Variants in CNTNAP2 observed in about 807,000 individuals in gnomAD.
The protein encoded by CNTNAP2 is contactin-associated protein-like 2.
In CNTNAP2, 98 loss-of-function variants were observed where a neutral mutation model predicts 155.2. That is an observed-to-expected ratio of 0.63 (90% CI 0.54 to 0.75). The LOEUF is 0.75. Ranked by LOEUF, CNTNAP2 falls within the 30% of genes least tolerant of loss-of-function variation. The pLI, the probability that CNTNAP2 is intolerant of heterozygous loss-of-function variation, is 0.00. For missense variants in CNTNAP2, 1,727 were observed against 1,688.1 expected (o/e 1.02, Z -0.40); for synonymous variants, 651 against 631.2 (o/e 1.03, Z -0.47).
intron 15 of CNTNAP2, among the ~76,000 whole-genome samples, chr7:148,116,277 T>C (rs1804469423): frequency 6.6e-6 from 1 of 152,162 alleles, no homozygotes; most frequent in South Asian, 2.1e-4. Context: ...CAGTAATTAA[T>C]AGGAATGCCA....
At chr7:147,487,563 TGC>T (rs1229537178) in intron 11 of CNTNAP2, among the ~76,000 whole-genome samples, 1 of 152,222 alleles carries the variant, frequency 6.6e-6, no homozygotes, top group Non-Finnish European at 1.5e-5. Flanking sequence ...AATACGATAA[TGC>T]TAACCAATGG....
At chr7:146,713,742 C>G (rs1243965716) in intron 1 of CNTNAP2, among the ~76,000 whole-genome samples, 1 of 152,122 alleles carries the variant, frequency 6.6e-6, no homozygotes, top group Non-Finnish European at 1.5e-5. Context: ...AACGTTTACT[C>G]AAGAAAGCTT....
intron 13 of CNTNAP2, among the ~76,000 whole-genome samples, chr7:147,893,240 A>C (rs2116733854): frequency 6.6e-6 from 1 of 152,304 alleles, no homozygotes; most frequent in African/African-American, 2.4e-5. Context: ...TTTTATTTTT[A>C]AAGTTCTTAA....
At chr7:147,972,040 A>G (rs1344397564) in intron 14 of CNTNAP2, among the ~76,000 whole-genome samples, 1 of 152,172 alleles carries the variant, frequency 6.6e-6, no homozygotes, top group Non-Finnish European at 1.5e-5. Flanking sequence ...TTTTGATTAT[A>G]GCTATCTTGG....
rs184621948 is a variant in CNTNAP2, at chr7:148,411,869, G to T, written c.3796+2398G>T. Among the ~76,000 whole-genome samples the T allele has an allele frequency of 4.4e-3, 646 of 147,240 alleles. 7 individuals carry two copies. The highest frequency in any genetic ancestry group is 0.015 in the African/African-American group (599 of 40,326). ...CTGACATATGTGTGTGTGTGTGTGTGTGTCTATTTTCTGGGCTTTTTGTTT... is the reference window on the plus strand; with the variant it reads ...CTGACATATGTGTGTGTGTGTGTGTTTGTCTATTTTCTGGGCTTTTTGTTT... On this transcript the variant is annotated intron_variant, in intron 23 of 23. Coordinates refer to ENST00000361727, the MANE Select transcript of CNTNAP2 (RefSeq NM_014141.6).
chr7:148,139,438 A>G (rs899422929), intron 16 of CNTNAP2, among the ~76,000 whole-genome samples: 4 of 152,214 alleles, frequency 2.6e-5, no homozygotes, highest in African/African-American at 9.6e-5. Context: ...TCTCAGCCTC[A>G]GTTTCCTGAC....
At chr7:147,153,260 C>G (rs375167352) in intron 8 of CNTNAP2, among the ~76,000 whole-genome samples, 1 of 151,974 alleles carries the variant, frequency 6.6e-6, no homozygotes, top group Non-Finnish European at 1.5e-5. Context: ...AAAAAGCTTT[C>G]TGAACTATAG....
chr7:147,571,535 T>C (rs1021582307), intron 12 of CNTNAP2, among the ~76,000 whole-genome samples: 4 of 152,010 alleles, frequency 2.6e-5, no homozygotes, highest in Admixed American at 6.6e-5. Context: ...CAATGTAAAG[T>C]CTTAAACTGA....
intron 3 of CNTNAP2, among the ~76,000 whole-genome samples, chr7:147,036,721 G>C (rs562313124): frequency 1.2e-3 from 188 of 152,114 alleles, no homozygotes; most frequent in African/African-American, 4.3e-3. Context: ...TATACTATTT[G>C]TCTAAATGAA....
At chr7:147,905,472 T>C (rs1214141471) in intron 14 of CNTNAP2, among the ~76,000 whole-genome samples, 1 of 152,236 alleles carries the variant, frequency 6.6e-6, no homozygotes, top group Non-Finnish European at 1.5e-5. Flanking sequence ...GAATGGAACA[T>C]GGTATTTGTC....
At chr7:146,122,037 C>G (rs906847359) in intron 1 of CNTNAP2, among the ~76,000 whole-genome samples, 2 of 152,280 alleles carry the variant, frequency 1.3e-5, no homozygotes, top group African/African-American at 4.8e-5. Context: ...CTTTCTCCAT[C>G]CTAACAGTTC....
chr7:146,474,023 A>G (rs1266207799), intron 1 of CNTNAP2, among the ~76,000 whole-genome samples: 1 of 152,134 alleles, frequency 6.6e-6, no homozygotes, highest in African/African-American at 2.4e-5. Flanking sequence ...ATTTTAATGT[A>G]GTTGGCTAGT....
intron 17 of CNTNAP2, among the ~76,000 whole-genome samples, chr7:148,150,665 C>A (rs1805280971): frequency 6.6e-6 from 1 of 152,196 alleles, no homozygotes; most frequent in African/African-American, 2.4e-5. Context: ...AGTCTCAGTT[C>A]ACCTCTAATA....
At chr7:148,083,949 G>A (rs1224916703) in intron 15 of CNTNAP2, among the ~76,000 whole-genome samples, 2 of 152,134 alleles carry the variant, frequency 1.3e-5, no homozygotes, top group Non-Finnish European at 1.5e-5. Flanking sequence ...ATTTAAGCCA[G>A]TGCTTTTTAA....
intron 1 of CNTNAP2, among the ~76,000 whole-genome samples, chr7:146,139,430 A>G (rs1279236225): frequency 6.6e-6 from 1 of 152,144 alleles, no homozygotes; most frequent in African/African-American, 2.4e-5. Flanking sequence ...TCTTATTGAT[A>G]TTAGAATAAC....
At chr7:147,556,832 A>G (rs1275031447) in intron 11 of CNTNAP2, among the ~76,000 whole-genome samples, 1 of 152,216 alleles carries the variant, frequency 6.6e-6, no homozygotes, top group African/African-American at 2.4e-5. Context: ...GTGTTGTTTT[A>G]AGTCACTAAG....
At chr7:146,272,886 G>A (rs576129159) in intron 1 of CNTNAP2, among the ~76,000 whole-genome samples, 30 of 152,226 alleles carry the variant, frequency 2.0e-4, no homozygotes, top group South Asian at 4.1e-4. Flanking sequence ...TTGAACCTGC[G>A]TAAACATTAA....
At chr7:146,577,618 A>G (rs561095564) in intron 1 of CNTNAP2, among the ~76,000 whole-genome samples, 1 of 152,246 alleles carries the variant, frequency 6.6e-6, no homozygotes, top group South Asian at 2.1e-4. Flanking sequence ...TCTGTGAATA[A>G]CATACAAAAA....
intron 15 of CNTNAP2, among the ~76,000 whole-genome samples, chr7:148,018,787 CA>C (rs1432325610): frequency 6.6e-6 from 1 of 152,214 alleles, no homozygotes; most frequent in Non-Finnish European, 1.5e-5. Flanking sequence ...ACTCTCACCA[CA>C]AAACAGCATC....
Sources: allele counts gnomAD v4.1 joint callset (sites outside exome capture counted in the v4.1 genomes callset), GRCh38; gene constraint gnomAD v4.1.1; transcripts MANE v1.5; gene names NCBI Gene and HGNC (gene_info 2026-07-23, HGNC 2026-07-21).